GFRA1: variants seen among roughly 807,000 people sequenced by gnomAD.
The protein encoded by GFRA1 is GDNF family receptor alpha 1, also known as GDNF family receptor alpha-1.
Under a neutral mutation model 51.6 loss-of-function variants are expected in GFRA1, and 16 were observed. The observed-to-expected ratio is 0.31, with a 90% CI of 0.21 to 0.47. GFRA1 has a LOEUF of 0.47. Among genes scored for constraint, GFRA1 ranks in the 20% least tolerant of loss-of-function variants. The probability of loss-of-function intolerance (pLI) is 1.00; values close to 1 mark genes in which losing one functional copy is unlikely to be tolerated. For synonymous variants in GFRA1, 270 were observed against 241.3 expected (o/e 1.12, Z -1.10); for missense variants, 530 against 594.3 (o/e 0.89, Z 1.13).
chr10:116,105,000 A>G (rs1383309101), intron 6 of GFRA1, among the ~76,000 whole-genome samples: 24 of 152,054 alleles, frequency 1.6e-4, no homozygotes, highest in Admixed American at 1.6e-3. Flanking sequence ...ATCTCCAACA[A>G]CCCTGTGCTG....
intron 9 of GFRA1, among the ~76,000 whole-genome samples, chr10:116,072,082 T>C (rs1273275003): frequency 6.6e-6 from 1 of 152,204 alleles, no homozygotes; most frequent in Non-Finnish European, 1.5e-5. Flanking sequence ...CTTTTTTTTT[T>C]TTCAGGAATT....
At chr10:116,171,301 T>A (rs1960999912) in intron 5 of GFRA1, among the ~76,000 whole-genome samples, 1 of 152,210 alleles carries the variant, frequency 6.6e-6, no homozygotes, top group African/African-American at 2.4e-5. Context: ...GGAGTATAAT[T>A]CTCTTTTAAA....
At chr10:116,104,547 T>A (rs915157728) in intron 6 of GFRA1, among the ~76,000 whole-genome samples, 6 of 152,172 alleles carry the variant, frequency 3.9e-5, no homozygotes, top group African/African-American at 1.4e-4. Flanking sequence ...ATTATTTCAG[T>A]CCCTGCGTCC....
chr10:116,080,844 A>G (rs1482743554), intron 9 of GFRA1, among the ~76,000 whole-genome samples: 2 of 152,218 alleles, frequency 1.3e-5, no homozygotes, highest in Non-Finnish European at 2.9e-5. Context: ...ACAGCCAGTC[A>G]CGTGGTCAAT....
chr10:116,125,796 C>T (rs967471483), intron 5 of GFRA1, among the ~76,000 whole-genome samples: 2 of 152,280 alleles, frequency 1.3e-5, no homozygotes, highest in Admixed American at 6.5e-5. Flanking sequence ...AATTAGGAGG[C>T]GCTAGGTGAG....
intron 5 of GFRA1, among the ~76,000 whole-genome samples, chr10:116,165,667 A>ACACACACT: frequency 6.6e-6 from 1 of 150,882 alleles, no homozygotes; most frequent in East Asian, 1.9e-4. Context: ...TCTCACTCTC[A>ACACACACT]CACACACACA....
intron 5 of GFRA1, among the ~76,000 whole-genome samples, chr10:116,153,497 G>C (rs961553039): frequency 1.3e-5 from 2 of 152,214 alleles, no homozygotes; most frequent in Non-Finnish European, 2.9e-5. Flanking sequence ...TTCCTGACAG[G>C]TTGAGTGCTG....
chr10:116,172,627 C>T (rs901553646), intron 5 of GFRA1, among the ~76,000 whole-genome samples: 2 of 152,012 alleles, frequency 1.3e-5, no homozygotes, highest in African/African-American at 4.8e-5. Flanking sequence ...ATGCAGGAAG[C>T]GGCCAGGCAG....
At chr10:116,101,196 A>G (rs1228099638) in intron 6 of GFRA1, among the ~76,000 whole-genome samples, 1 of 152,200 alleles carries the variant, frequency 6.6e-6, no homozygotes, top group East Asian at 1.9e-4. Context: ...CACTGTAATC[A>G]ATGTCAATGG....
At chr10:116,090,971 C>A (rs1052110669) in intron 8 of GFRA1, among the ~76,000 whole-genome samples, 1 of 152,162 alleles carries the variant, frequency 6.6e-6, no homozygotes, top group African/African-American at 2.4e-5. Flanking sequence ...GAAACAGCTT[C>A]AAATTAATAT....
At chr10:116,132,946 A>G (rs895953503) in intron 5 of GFRA1, among the ~76,000 whole-genome samples, 2 of 152,044 alleles carry the variant, frequency 1.3e-5, no homozygotes, top group Non-Finnish European at 1.5e-5. Flanking sequence ...AGGCTTCTGA[A>G]CAGCTTTACT....
intron 5 of GFRA1, among the ~76,000 whole-genome samples, chr10:116,143,695 T>G (rs984534566): frequency 1.3e-5 from 2 of 152,010 alleles, no homozygotes; most frequent in African/African-American, 4.8e-5. Context: ...GCAATGAACA[T>G]GGCGAATTTA....
intron 5 of GFRA1, among the ~76,000 whole-genome samples, chr10:116,164,967 C>G (rs1156402740): frequency 1.3e-5 from 2 of 152,154 alleles, no homozygotes; most frequent in Non-Finnish European, 2.9e-5. Flanking sequence ...AAGTATGTAA[C>G]CAGCACTCCT....
At chr10:116,237,199 T>C (rs2420251) in intron 4 of GFRA1, among the ~76,000 whole-genome samples, 61,755 of 152,114 alleles carry the variant, frequency 0.41, 12,998 homozygotes, top group East Asian at 0.52. Context: ...CTATACAAAC[T>C]GCTCTGCACT....
At chr10:116,139,345 G>A (rs567257192) in intron 5 of GFRA1, among the ~76,000 whole-genome samples, 3 of 152,320 alleles carry the variant, frequency 2.0e-5, no homozygotes, top group Admixed American at 6.5e-5. Flanking sequence ...AACAAGCCTA[G>A]CATCCAGAAC....
chr10:116,256,525 G>C (rs1036481627), intron 4 of GFRA1, among the ~76,000 whole-genome samples: 1 of 152,136 alleles, frequency 6.6e-6, no homozygotes, highest in East Asian at 1.9e-4. Flanking sequence ...AGGACACACA[G>C]AGAGGGCTCA....
rs1375776234 is a variant in GFRA1 at position 116,061,477 on chromosome 10, G to T, written c.*2921C>A. ...TAAAAAGATACTCAAGCATGTATCG[G>T]TCAAAAATATTCAACATCAAAGTGG... On this transcript the variant is annotated 3_prime_UTR_variant, in exon 11 of 11. Coordinates refer to ENST00000355422, the MANE Select transcript of GFRA1 (RefSeq NM_005264.8). The T allele has an allele frequency of 6.6e-6, 1 of 152,436 alleles. No homozygotes were observed. Among genetic ancestry groups the T allele is most frequent in the Non-Finnish European group, 1.5e-5 (1 of 68,254 alleles). The allele number at this position is 152,436 out of a possible 1,614,324, so 9.4% of individuals were successfully genotyped here. A position where few individuals can be genotyped will look rare whatever the true frequency, so the allele number is the denominator to read the frequency against.
intron 5 of GFRA1, among the ~76,000 whole-genome samples, chr10:116,210,568 A>G (rs1241197132): frequency 1.3e-5 from 2 of 152,338 alleles, no homozygotes; most frequent in South Asian, 2.1e-4. Flanking sequence ...AATTATTTAT[A>G]AAAGTAAGTC....
chr10:116,206,645 T>TTTTTTTAG (rs1964786570), intron 5 of GFRA1, among the ~76,000 whole-genome samples: 1 of 91,278 alleles, frequency 1.1e-5, no homozygotes, highest in African/African-American at 4.6e-5. Flanking sequence ...TTTTTTTTTT[T>TTTTTTTAG]GAGACGGAGC....
Sources: gnomAD v4.1 joint callset for allele counts (sites outside exome capture counted in the v4.1 genomes callset) on GRCh38, gnomAD v4.1.1 for gene constraint, MANE v1.5 for transcripts, NCBI Gene and HGNC (gene_info 2026-07-23, HGNC 2026-07-21) for gene names.